The following ZC2HC1B variants were observed in gnomAD, a reference collection of about 807,000 sequenced individuals.
ZC2HC1B encodes zinc finger C2HC-type containing 1B.
A neutral mutation model predicts 31.0 loss-of-function variants in ZC2HC1B; 36 were observed. The observed-to-expected ratio is 1.16, with a 90% CI of 0.89 to 1.54. The LOEUF (loss-of-function observed/expected upper bound fraction) is 1.54. ZC2HC1B is among the 40% of genes most tolerant of loss of function. The probability of loss-of-function intolerance (pLI) is 0.00; values close to 1 mark genes in which losing one functional copy is unlikely to be tolerated. For missense variants in ZC2HC1B, 260 were observed against 268.6 expected (o/e 0.97, Z 0.22); for synonymous variants, 73 against 88.0 (o/e 0.83, Z 0.95).
rs932412123 is a variant in ZC2HC1B at position 143,868,500 on chromosome 6, C to T, written c.28+3933C>T. 5.9e-5 allele frequency among the ~76,000 whole-genome samples: 9 copies of T among 152,146 alleles called. No individual in the cohort carries two copies. Among genetic ancestry groups the T allele is most frequent in the African/African-American group, 1.7e-4 (7 of 41,506 alleles). On this transcript the variant is annotated intron_variant, in intron 1 of 7. Coordinates refer to ENST00000237275, the MANE Select transcript of ZC2HC1B (RefSeq NM_001013623.3). The surrounding 1 kb of genome is among the most constrained non-coding windows in gnomAD (Gnocchi z 4.2). Reference sequence around the variant, plus strand: ...TTCTGCCTGCTTTAGATTCGATCTGCGCTGGCAGGTGACTAGGTGGTGCCC... The same window carrying T: ...TTCTGCCTGCTTTAGATTCGATCTGTGCTGGCAGGTGACTAGGTGGTGCCC...
chr6:143,925,733 T>G (rs1029749710), intron 6 of ZC2HC1B, among the ~76,000 whole-genome samples: 1 of 151,894 alleles, frequency 6.6e-6, no homozygotes, highest in Non-Finnish European at 1.5e-5. Context: ...GAGATGGGGT[T>G]TCTCCATGTT....
At chr6:143,898,477 C>G in intron 4 of ZC2HC1B, 75 bp from the exon 5 acceptor site, 1 of 1,485,048 alleles carries the variant, frequency 6.7e-7, no homozygotes, top group Middle Eastern at 1.7e-4. Context: ...TCATGTAGTT[C>G]ATTCTATAAT....
Position 143,928,595 on chromosome 6 carries a change from G to A in ZC2HC1B, c.599-9054G>A, listed in dbSNP as rs561492957. ...CTTTTCAGTTCCATATGAATTTTAGGATTTTTTTTTTCTAATTCTGTGAAA... is the reference window on the plus strand; with the variant it reads ...CTTTTCAGTTCCATATGAATTTTAGAATTTTTTTTTTCTAATTCTGTGAAA... On this transcript the variant is annotated intron_variant, in intron 6 of 7. Transcript: ENST00000237275. Among the ~76,000 whole-genome samples, 6 of 151,894 alleles carry A rather than the reference G, an allele frequency of 4.0e-5. No homozygotes were observed. The South Asian group carries it at 1.3e-3, about 32-fold the overall frequency.
rs953421673 is a variant in ZC2HC1B, at chr6:143,870,522, T to A, written c.28+5955T>A. On this transcript the variant is annotated intron_variant, in intron 1 of 7. Coordinates refer to ENST00000237275, the MANE Select transcript of ZC2HC1B (RefSeq NM_001013623.3). This position sits in a 1 kb window ranked among gnomAD's most constrained non-coding sequence, Gnocchi z 4.7. Reference sequence around the variant, plus strand: ...TTTAGGACCTGCTTGAGTCCAATCATGTATATACACTTCCATTTGATGATG... The same window carrying A: ...TTTAGGACCTGCTTGAGTCCAATCAAGTATATACACTTCCATTTGATGATG... 1.3e-5 allele frequency among the ~76,000 whole-genome samples: 2 copies of A among 152,122 alleles called. No homozygotes were observed. Among genetic ancestry groups the A allele is most frequent in the African/African-American group, 4.8e-5 (2 of 41,432 alleles).
At chr6:143,912,529 C>T (rs906740759) in intron 6 of ZC2HC1B, among the ~76,000 whole-genome samples, 2 of 152,134 alleles carry the variant, frequency 1.3e-5, no homozygotes, top group African/African-American at 4.8e-5. Flanking sequence ...GCTGGGGGTC[C>T]ACTCTAAACC....
In ZC2HC1B at chr6:143,872,904, A is replaced by AT. The variant is rs1777358948; in HGVS notation, c.28+8339dup. Among the ~76,000 whole-genome samples, 1 of 152,104 alleles carries AT rather than the reference A, an allele frequency of 6.6e-6. No individual in the cohort carries two copies. Among genetic ancestry groups the AT allele is most frequent in the Admixed American group, 6.5e-5 (1 of 15,268 alleles). ...GGTAGGGACACAACCAAACCATATC[A>AT]TTCTGCCCCTGGCCCCTGAAAATCT... On this transcript the variant is annotated intron_variant, in intron 1 of 7. Transcript: ENST00000237275. The surrounding 1 kb of genome is among the most constrained non-coding windows in gnomAD (Gnocchi z 5.5).
At position 143,872,971 on chromosome 6, in the gene ZC2HC1B, T is replaced by C. The variant is rs1777359682; in HGVS notation, c.28+8404T>C. 6.6e-6 allele frequency among the ~76,000 whole-genome samples: 1 copy of C among 152,014 alleles called. No individual in the cohort carries two copies. Among genetic ancestry groups the C allele is most frequent in the Non-Finnish European group, 1.5e-5 (1 of 67,994 alleles). ...AAAACCAATCATGCCTCCCCAACAGTCTCCCAAAGTCTTAACTCATTTCAG... is the reference window on the plus strand; with the variant it reads ...AAAACCAATCATGCCTCCCCAACAGCCTCCCAAAGTCTTAACTCATTTCAG... On this transcript the variant is annotated intron_variant, in intron 1 of 7. Coordinates refer to ENST00000237275, the MANE Select transcript of ZC2HC1B (RefSeq NM_001013623.3). This position sits in a 1 kb window ranked among gnomAD's most constrained non-coding sequence, Gnocchi z 5.5.
rs1448184684 is a variant in ZC2HC1B, at chr6:143,924,960, T to C, written c.599-12689T>C. Among the ~76,000 whole-genome samples the C allele has an allele frequency of 6.6e-6, 1 of 152,186 alleles. No homozygotes were observed. The highest frequency in any genetic ancestry group is 1.5e-5 in the Non-Finnish European group (1 of 68,032). ...GGCCTGTAGTTTTCTATTTCCATTA[T>C]GTCCTTGTCTGGTTTTGGTATCAGG... On this transcript the variant is annotated intron_variant, in intron 6 of 7. Transcript: ENST00000237275. This position sits in a 1 kb window ranked among gnomAD's most constrained non-coding sequence, Gnocchi z 5.2.
rs1178555349 is a variant in ZC2HC1B at position 143,895,587 on chromosome 6, A to G, written c.350-2965A>G. 1.3e-5 allele frequency among the ~76,000 whole-genome samples: 2 copies of G among 152,142 alleles called. No homozygotes were observed. Among genetic ancestry groups the G allele is most frequent in the African/African-American group, 4.8e-5 (2 of 41,426 alleles). ...CCCTATTTTCATGATTCAGTTTTTG[A>G]GACATGCCTATATTCTACTTTTTAG... On this transcript the variant is annotated intron_variant, in intron 4 of 7. Coordinates refer to ENST00000237275, the MANE Select transcript of ZC2HC1B (RefSeq NM_001013623.3). The surrounding 1 kb of genome is among the most constrained non-coding windows in gnomAD (Gnocchi z 4.8).
Position 143,886,267 on chromosome 6 carries a change from A to ATT in ZC2HC1B, c.210+116_210+117insTT. 1 of 1,160,084 alleles carries ATT rather than the reference A, an allele frequency of 8.6e-7. No individual in the cohort carries two copies. Among genetic ancestry groups the ATT allele is most frequent in the Non-Finnish European group, 1.1e-6 (1 of 901,602 alleles). The allele number at this position is 1,160,084 out of a possible 1,614,324, so 71.9% of individuals were successfully genotyped here. ...TAATACAGTAATGTAATGTAACTGTAATCCACCTTTACTTTTTTCTTTATA... is the reference window on the plus strand; with the variant it reads ...TAATACAGTAATGTAATGTAACTGTATTATCCACCTTTACTTTTTTCTTTATA... On this transcript the variant is annotated intron_variant, in intron 3 of 7. Transcript: ENST00000237275. This position sits in a 1 kb window ranked among gnomAD's most constrained non-coding sequence, Gnocchi z 4.2.
Position 143,913,225 on chromosome 6 carries a change from G to T in ZC2HC1B, c.598+10073G>T, listed in dbSNP as rs933595830. ...TGTGGCTGGAGTGTCCAGCTAGAAG[G>T]TTCTACCCAGTGAGGAAGAAGCAGT... is the stretch of plus-strand genomic sequence containing the variant. On this transcript the variant is annotated intron_variant, in intron 6 of 7. Coordinates refer to ENST00000237275, the MANE Select transcript of ZC2HC1B (RefSeq NM_001013623.3). The surrounding 1 kb of genome is among the most constrained non-coding windows in gnomAD (Gnocchi z 5.7). Among the ~76,000 whole-genome samples, 53 of 152,088 alleles carry T rather than the reference G, an allele frequency of 3.5e-4. No homozygotes were observed. Among genetic ancestry groups the T allele is most frequent in the African/African-American group, 1.2e-3 (51 of 41,442 alleles).
At chr6:143,867,602 A>G (rs1389127638) in intron 1 of ZC2HC1B, among the ~76,000 whole-genome samples, 15 of 152,208 alleles carry the variant, frequency 9.9e-5, no homozygotes, top group Non-Finnish European at 1.5e-5. Context: ...ATGGGGTGAA[A>G]TGAGTGTCTC....
rs1777941670 is a variant in ZC2HC1B at position 143,918,366 on chromosome 6, TA to T, written c.598+15215del. ...TTTTTGGTTGACAGTTTTTTTCTTTTACCACTTTGAATATGTTGGCCCACTG... is the reference window on the plus strand; with the variant it reads ...TTTTTGGTTGACAGTTTTTTTCTTTTCCACTTTGAATATGTTGGCCCACTG... On this transcript the variant is annotated intron_variant, in intron 6 of 7. Coordinates refer to ENST00000237275, the MANE Select transcript of ZC2HC1B (RefSeq NM_001013623.3). The surrounding 1 kb of genome is among the most constrained non-coding windows in gnomAD (Gnocchi z 4.1). Among the ~76,000 whole-genome samples, 1 of 152,208 alleles carries T rather than the reference TA, an allele frequency of 6.6e-6. No individual in the cohort carries two copies. The highest frequency in any genetic ancestry group is 1.9e-4 in the East Asian group (1 of 5,198).
chr6:143,891,320 T>G (rs1361274761), intron 4 of ZC2HC1B, among the ~76,000 whole-genome samples: 5 of 152,040 alleles, frequency 3.3e-5, no homozygotes, highest in Non-Finnish European at 5.9e-5. Context: ...CTCAAGATTG[T>G]GTTATGATGT....
Position 143,886,156 on chromosome 6 carries a change from T to C in ZC2HC1B, c.210+5T>C, listed in dbSNP as rs1279345413. 2.6e-6 allele frequency: 4 copies of C among 1,525,350 alleles called. No homozygotes were observed. The highest frequency in any genetic ancestry group is 3.5e-6 in the Non-Finnish European group (4 of 1,139,094). 94.5% of individuals were successfully genotyped at this position (1,525,350 alleles called of 1,614,324 possible). A position where few individuals can be genotyped will look rare whatever the true frequency, so the allele number is the denominator to read the frequency against. On this transcript the variant is annotated splice_donor_5th_base_variant and intron_variant, in intron 3 of 7. Transcript: ENST00000237275. This position sits in a 1 kb window ranked among gnomAD's most constrained non-coding sequence, Gnocchi z 4.2. ...AAGAAGACTCCACAATCCAAGGTACTCCTGATATCTTCTTTAGTGTTTGTT... is the reference window on the plus strand; with the variant it reads ...AAGAAGACTCCACAATCCAAGGTACCCCTGATATCTTCTTTAGTGTTTGTT...
In ZC2HC1B at chr6:143,903,077, A is replaced by G. The variant is rs939543139; in HGVS notation, c.523A>G (p.Thr175Ala). The G allele has an allele frequency of 4.5e-6, 7 of 1,551,862 alleles. No homozygotes were observed. The highest frequency in any genetic ancestry group is 6.1e-6 in the Non-Finnish European group (7 of 1,147,026). Residue 175 changes from threonine to alanine, a missense_variant, in exon 6 of 8, where the codon ACT (threonine) becomes GCT (alanine). Coordinates refer to ENST00000237275, the MANE Select transcript of ZC2HC1B (RefSeq NM_001013623.3). This position sits in a 1 kb window ranked among gnomAD's most constrained non-coding sequence, Gnocchi z 4.3. Reference protein sequence around the residue: ...RAQMGPKKEPTVTSAVGALLQ... With the variant: ...RAQMGPKKEPAVTSAVGALLQ... The stretch of plus-strand genomic sequence containing the variant: ...TCAGATGGGTCCAAAAAAAGAACCA[A>G]CTGTTACCAGTGCTGTGGGAGCTTT...
intron 1 of ZC2HC1B, among the ~76,000 whole-genome samples, chr6:143,866,017 T>C (rs1777256252): frequency 6.6e-6 from 1 of 152,216 alleles, no homozygotes; most frequent in African/African-American, 2.4e-5. Context: ...GGTTTCGCCA[T>C]GTTGGCCAGG....
Position 143,924,539 on chromosome 6 carries a change from C to T in ZC2HC1B, c.599-13110C>T, listed in dbSNP as rs1016345472. On this transcript the variant is annotated intron_variant, in intron 6 of 7. Transcript: ENST00000237275. The surrounding 1 kb of genome is among the most constrained non-coding windows in gnomAD (Gnocchi z 5.2). ...GTACTATGTTGAATAAAAGTGATGA[C>T]CCTATCTCTAAATAAATAATAAAAA... 6.6e-6 allele frequency among the ~76,000 whole-genome samples: 1 copy of T among 151,992 alleles called. No individual in the cohort carries two copies. The highest frequency in any genetic ancestry group is 1.5e-5 in the Non-Finnish European group (1 of 67,968).
chr6:143,904,859 G>T (rs567256174), intron 6 of ZC2HC1B, among the ~76,000 whole-genome samples: 3 of 152,090 alleles, frequency 2.0e-5, no homozygotes, highest in Non-Finnish European at 4.4e-5. Flanking sequence ...CAATGGTCTT[G>T]CACCCTTGTC....
Sources: allele counts gnomAD v4.1 joint callset (sites outside exome capture counted in the v4.1 genomes callset), GRCh38; gene constraint gnomAD v4.1.1; non-coding constraint Gnocchi (gnomAD v3.1); transcripts MANE v1.5; gene names NCBI Gene and HGNC (gene_info 2026-07-23, HGNC 2026-07-21).